Variants in RFC1 observed in about 807,000 individuals in gnomAD.
RFC1 encodes replication factor C subunit 1.
In RFC1, 37 loss-of-function variants were observed where a neutral mutation model predicts 137.4. That is an observed-to-expected ratio of 0.27 (90% CI 0.21 to 0.35). The LOEUF is 0.35. Ranked by LOEUF, RFC1 falls within the 10% of genes least tolerant of loss-of-function variation. The probability of loss-of-function intolerance (pLI) is 1.00; values close to 1 mark genes in which losing one functional copy is unlikely to be tolerated. For synonymous variants in RFC1, 429 were observed against 455.7 expected (o/e 0.94, Z 0.75); for missense variants, 1,205 against 1,358.5 (o/e 0.89, Z 1.78).
chr4:39,366,218 C>A, intron 1 of RFC1, 21 bp downstream of exon 1: 2 of 1,553,084 alleles, frequency 1.3e-6, no homozygotes, highest in East Asian at 4.9e-5. Context: ...CCGAGCCGCA[C>A]GGCCTCCCCC....
At chr4:39,303,298 GAAAAA>G in intron 15 of RFC1, 147 bp from the exon 16 acceptor site, 5 of 405,476 alleles carry the variant, frequency 1.2e-5, no homozygotes, top group African/African-American at 2.6e-5. Flanking sequence ...TGTTGTTAAA[GAAAAA>G]AAAAAAAAAA....
chr4:39,359,031 T>C (rs1318090205), intron 1 of RFC1, among the ~76,000 whole-genome samples: 1 of 152,186 alleles, frequency 6.6e-6, no homozygotes, highest in Non-Finnish European at 1.5e-5. Context: ...ACTAAATTTA[T>C]CTTCAGCTGG....
At chr4:39,309,640 C>G (rs1344375865) in intron 12 of RFC1, among the ~76,000 whole-genome samples, 4 of 152,170 alleles carry the variant, frequency 2.6e-5, no homozygotes. Context: ...TCCATAGAGA[C>G]AGAGCAGAGC....
chr4:39,308,298 C>T (rs1320398106), intron 13 of RFC1, among the ~76,000 whole-genome samples: 1 of 152,186 alleles, frequency 6.6e-6, no homozygotes, highest in Non-Finnish European at 1.5e-5. Flanking sequence ...CTTAGCTTAG[C>T]CATCCCTTCC....
intron 1 of RFC1, among the ~76,000 whole-genome samples, chr4:39,360,168 C>A (rs1741680196): frequency 6.6e-6 from 1 of 151,694 alleles, no homozygotes; most frequent in Admixed American, 6.6e-5. Context: ...GAGTTTGAGA[C>A]CAGCCTGGCC....
At chr4:39,305,033 A>AGG in intron 14 of RFC1, 105 bp from the exon 15 acceptor site, 1 of 742,838 alleles carries the variant, frequency 1.3e-6, no homozygotes, top group Non-Finnish European at 2.4e-6. Flanking sequence ...AATTAATATA[A>AGG]AAACCCATAG....
intron 11 of RFC1, among the ~76,000 whole-genome samples, chr4:39,312,498 T>G (rs978331376): frequency 1.3e-5 from 2 of 152,022 alleles, no homozygotes; most frequent in African/African-American, 4.8e-5. Flanking sequence ...TGTTTCTATC[T>G]TCAAAAATAA....
At chr4:39,311,100 C>T (rs1314607871) in intron 12 of RFC1, among the ~76,000 whole-genome samples, 1 of 152,052 alleles carries the variant, frequency 6.6e-6, no homozygotes, top group Non-Finnish European at 1.5e-5. Context: ...GAGATCACAC[C>T]ACTGCACTCC....
chr4:39,301,754 G>A (rs530623628), intron 19 of RFC1, among the ~76,000 whole-genome samples: 15 of 152,254 alleles, frequency 9.9e-5, no homozygotes, highest in Admixed American at 4.6e-4. Flanking sequence ...AAGACCAGTC[G>A]GGGAAACATA....
intron 11 of RFC1, among the ~76,000 whole-genome samples, chr4:39,312,181 G>A (rs189605124): frequency 2.1e-4 from 32 of 152,302 alleles, no homozygotes; most frequent in Admixed American, 2.0e-3. Context: ...GCCTAGAGCT[G>A]CAACTACCTT....
chr4:39,361,324 G>A (rs989414425), intron 1 of RFC1, among the ~76,000 whole-genome samples: 2 of 152,148 alleles, frequency 1.3e-5, no homozygotes, highest in Non-Finnish European at 2.9e-5. Flanking sequence ...GGGAGGCGGA[G>A]GTTGCAGTGA....
intron 19 of RFC1, 57 bp downstream of exon 19, chr4:39,302,221 C>G: frequency 9.4e-7 from 1 of 1,062,484 alleles, no homozygotes; most frequent in Non-Finnish European, 1.5e-6. Flanking sequence ...AAGCTACCTA[C>G]AGAACAAGAA....
At chr4:39,360,725 A>C in intron 1 of RFC1, among the ~76,000 whole-genome samples, 1 of 151,646 alleles carries the variant, frequency 6.6e-6, no homozygotes, top group Non-Finnish European at 1.5e-5. Flanking sequence ...ACAGAGCGAG[A>C]CTCTGTCTCA....
chr4:39,307,422 A>C (rs1458783690), intron 13 of RFC1: 1 of 152,808 alleles, frequency 6.5e-6, no homozygotes, highest in Non-Finnish European at 1.5e-5. Flanking sequence ...CGAAGCTTTA[A>C]AACAGTCTTC....
intron 19 of RFC1, among the ~76,000 whole-genome samples, chr4:39,301,306 TA>T (rs1738350395): frequency 6.6e-6 from 1 of 151,988 alleles, no homozygotes; most frequent in African/African-American, 2.4e-5. Flanking sequence ...AATGAACAGG[TA>T]GAGCACAGAG....
At chr4:39,290,997 T>C (rs1314130507) in intron 23 of RFC1, among the ~76,000 whole-genome samples, 1 of 152,206 alleles carries the variant, frequency 6.6e-6, no homozygotes, top group Non-Finnish European at 1.5e-5. Flanking sequence ...TAACAATGGA[T>C]GTCTGCTGTG....
intron 1 of RFC1, among the ~76,000 whole-genome samples, chr4:39,353,397 C>CAAAAAAAAAAAAAAAAAAA (rs11416030): frequency 1.6e-5 from 1 of 63,518 alleles, no homozygotes; most frequent in Non-Finnish European, 2.8e-5. Context: ...GAGACTGTCT[C>CAAAAAAAAAAAAAAAAAAA]AAAAAAAAAA....
chr4:39,335,145 T>G (rs1018770140), intron 4 of RFC1, among the ~76,000 whole-genome samples: 4 of 152,212 alleles, frequency 2.6e-5, no homozygotes, highest in African/African-American at 9.7e-5. Flanking sequence ...TTAAAATAAT[T>G]TATTTAGCAA....
At chr4:39,340,757 T>C (rs533284420) in intron 4 of RFC1, among the ~76,000 whole-genome samples, 2 of 152,204 alleles carry the variant, frequency 1.3e-5, no homozygotes, top group African/African-American at 4.8e-5. Flanking sequence ...AACAATAAAG[T>C]ATGAAAAGAT....
Sources: allele counts gnomAD v4.1 joint callset (sites outside exome capture counted in the v4.1 genomes callset), GRCh38; gene constraint gnomAD v4.1.1; transcripts MANE v1.5; gene names NCBI Gene and HGNC (gene_info 2026-07-23, HGNC 2026-07-21).